KCNMB2: variants seen among roughly 807,000 people sequenced by gnomAD.
The protein encoded by KCNMB2 is calcium-activated potassium channel subunit beta-2.
KCNMB2 carries 9 observed loss-of-function variants against 24.5 expected under a neutral mutation model. The observed-to-expected ratio is 0.37, with a 90% CI of 0.22 to 0.64. The LOEUF is 0.64. Among genes scored for constraint, KCNMB2 ranks in the 30% least tolerant of loss-of-function variants. KCNMB2 has a pLI of 0.63. For synonymous variants in KCNMB2, 109 were observed against 104.4 expected (o/e 1.04, Z -0.27); for missense variants, 226 against 284.3 (o/e 0.79, Z 1.47).
intron 1 of KCNMB2, among the ~76,000 whole-genome samples, chr3:178,726,597 A>G (rs899478759): frequency 6.6e-6 from 1 of 151,648 alleles, no homozygotes; most frequent in African/African-American, 2.4e-5. Context: ...TTCTTTAGAT[A>G]TTTTTTAGAT....
At chr3:178,690,258 A>G (rs1375142855) in intron 1 of KCNMB2, among the ~76,000 whole-genome samples, 6 of 152,086 alleles carry the variant, frequency 3.9e-5, no homozygotes, top group Non-Finnish European at 1.5e-5. Context: ...TTATGAATGT[A>G]TGTAGCCTTT....
chr3:178,588,433 A>G (rs952744487), intron 1 of KCNMB2, among the ~76,000 whole-genome samples: 1 of 152,112 alleles, frequency 6.6e-6, no homozygotes, highest in Non-Finnish European at 1.5e-5. Context: ...GCAAGCCTCA[A>G]ATGAAATCTT....
chr3:178,760,330 A>AG (rs1711779753), intron 1 of KCNMB2, among the ~76,000 whole-genome samples: 2 of 120,624 alleles, frequency 1.7e-5, no homozygotes, highest in Admixed American at 9.4e-5. Flanking sequence ...ATATATATAG[A>AG]TATATATCTC....
chr3:178,538,973 G>A (rs114532148), intron 1 of KCNMB2, among the ~76,000 whole-genome samples: 2,561 of 152,142 alleles, frequency 0.017, 54 homozygotes, highest in South Asian at 0.027. Context: ...TATGCAAAAA[G>A]CAAGTCTGCA....
At chr3:178,645,045 A>ATT (rs10576689) in intron 1 of KCNMB2, among the ~76,000 whole-genome samples, 291 of 92,368 alleles carry the variant, frequency 3.2e-3, no homozygotes, top group Non-Finnish European at 4.1e-3. Context: ...AAGATCCAAG[A>ATT]TTTTTTTTTT....
At chr3:178,838,081 C>A (rs1715296984) in intron 4 of KCNMB2, among the ~76,000 whole-genome samples, 1 of 152,042 alleles carries the variant, frequency 6.6e-6, no homozygotes, top group Non-Finnish European at 1.5e-5. Flanking sequence ...TAAATTCAAC[C>A]AGAAATGGTT....
At chr3:178,825,550 C>A in intron 2 of KCNMB2, 38 bp from the exon 3 acceptor site, 1 of 1,565,872 alleles carries the variant, frequency 6.4e-7, no homozygotes, top group Non-Finnish European at 8.8e-7. Context: ...TGCTGATTAA[C>A]TAAACTTAAT....
intron 1 of KCNMB2, among the ~76,000 whole-genome samples, chr3:178,589,028 A>G (rs1717563918): frequency 6.6e-6 from 1 of 152,246 alleles, no homozygotes; most frequent in African/African-American, 2.4e-5. Context: ...TCAAACACTA[A>G]ATACTTAGTA....
At chr3:178,569,527 T>C (rs970262577) in intron 1 of KCNMB2, among the ~76,000 whole-genome samples, 1 of 152,182 alleles carries the variant, frequency 6.6e-6, no homozygotes, top group African/African-American at 2.4e-5. Flanking sequence ...TTTACATCCT[T>C]GGTTGCTTCC....
At chr3:178,615,485 C>A (rs1718671873) in intron 1 of KCNMB2, among the ~76,000 whole-genome samples, 2 of 152,208 alleles carry the variant, frequency 1.3e-5, no homozygotes, top group African/African-American at 4.8e-5. Flanking sequence ...AGTCAAATCA[C>A]AGACGCACTT....
At chr3:178,819,964 G>A (rs28716014) in intron 2 of KCNMB2, among the ~76,000 whole-genome samples, 1 of 152,054 alleles carries the variant, frequency 6.6e-6, no homozygotes, top group South Asian at 2.1e-4. Flanking sequence ...AGCCTCCTTA[G>A]AAAACTTAGC....
intron 1 of KCNMB2, among the ~76,000 whole-genome samples, chr3:178,626,089 T>C (rs964666394): frequency 2.0e-5 from 3 of 152,232 alleles, no homozygotes; most frequent in Non-Finnish European, 4.4e-5. Flanking sequence ...CATTCTCTCA[T>C]ACCACTGAGG....
At chr3:178,827,897 T>C (rs1280852199) in intron 3 of KCNMB2, among the ~76,000 whole-genome samples, 1 of 152,112 alleles carries the variant, frequency 6.6e-6, no homozygotes, top group Admixed American at 6.5e-5. Flanking sequence ...ATGTTACCAG[T>C]GAGTTCCATA....
At chr3:178,755,321 T>C (rs550960157) in intron 1 of KCNMB2, among the ~76,000 whole-genome samples, 2 of 152,354 alleles carry the variant, frequency 1.3e-5, no homozygotes, top group South Asian at 4.1e-4. Flanking sequence ...AGTTTCATAT[T>C]ATGTTTATTT....
intron 1 of KCNMB2, among the ~76,000 whole-genome samples, chr3:178,671,439 G>A (rs1465324553): frequency 6.6e-6 from 1 of 152,124 alleles, no homozygotes; most frequent in Non-Finnish European, 1.5e-5. Context: ...CCTCTAGAGA[G>A]GCAGTCTGCC....
intron 1 of KCNMB2, among the ~76,000 whole-genome samples, chr3:178,758,550 A>ATC (rs1553774724): frequency 8.0e-5 from 2 of 25,130 alleles, no homozygotes; most frequent in African/African-American, 1.6e-4. Context: ...ATATATATAT[A>ATC]TCCAAGAGGA....
intron 4 of KCNMB2, among the ~76,000 whole-genome samples, chr3:178,835,647 T>G (rs1419064300): frequency 6.6e-6 from 1 of 152,202 alleles, no homozygotes; most frequent in East Asian, 1.9e-4. Context: ...CTAGAAAAAG[T>G]TCCATTGACT....
At chr3:178,826,147 C>T (rs541177125) in intron 3 of KCNMB2, among the ~76,000 whole-genome samples, 6 of 152,298 alleles carry the variant, frequency 3.9e-5, no homozygotes, top group African/African-American at 7.2e-5. Flanking sequence ...GTTCCTGCCA[C>T]TTCACACTTC....
chr3:178,783,522 G>T (rs1179584202), intron 1 of KCNMB2, among the ~76,000 whole-genome samples: 1 of 150,448 alleles, frequency 6.6e-6, no homozygotes, highest in Non-Finnish European at 1.5e-5. Flanking sequence ...CTTGTAAGGT[G>T]GATTCCTAGG....
Sources: allele counts gnomAD v4.1 joint callset (sites outside exome capture counted in the v4.1 genomes callset), GRCh38; gene constraint gnomAD v4.1.1; transcripts MANE v1.5; gene names NCBI Gene and HGNC (gene_info 2026-07-23, HGNC 2026-07-21).